Variants in PPFIBP2 observed in about 807,000 individuals in gnomAD.
PPFIBP2 encodes PPFIB scaffold protein 2.
PPFIBP2 carries 118 observed loss-of-function variants against 118.3 expected under a neutral mutation model. That is an observed-to-expected ratio of 1.00 (90% CI 0.86 to 1.16). The LOEUF is 1.16. Ranked by LOEUF, PPFIBP2 falls within the 50% of genes most tolerant of loss-of-function variation. The pLI, the probability that PPFIBP2 is intolerant of heterozygous loss-of-function variation, is 0.00. For synonymous variants in PPFIBP2, 414 were observed against 397.4 expected (o/e 1.04, Z -0.50); for missense variants, 1,195 against 1,073.1 (o/e 1.11, Z -1.59).
intron 2 of PPFIBP2, among the ~76,000 whole-genome samples, chr11:7,554,650 G>T (rs1017161973): frequency 1.3e-5 from 2 of 152,094 alleles, no homozygotes; most frequent in African/African-American, 4.8e-5. Flanking sequence ...TTTGTCTCAG[G>T]TGGTCAATGT....
At chr11:7,559,436 C>G (rs180793730) in intron 2 of PPFIBP2, among the ~76,000 whole-genome samples, 1 of 152,194 alleles carries the variant, frequency 6.6e-6, no homozygotes, top group East Asian at 1.9e-4. Context: ...TTTGCAATTG[C>G]TAATGCTGGG....
At chr11:7,560,011 C>G (rs896748004) in intron 2 of PPFIBP2, among the ~76,000 whole-genome samples, 2 of 152,132 alleles carry the variant, frequency 1.3e-5, no homozygotes, top group African/African-American at 4.8e-5. Context: ...TTGAGTATGT[C>G]CTGTTTCCAG....
chr11:7,527,928 A>G (rs140854727), intron 1 of PPFIBP2, among the ~76,000 whole-genome samples: 1 of 152,332 alleles, frequency 6.6e-6, no homozygotes, highest in East Asian at 1.9e-4. Context: ...TCAGGCATTG[A>G]GCACAGAGTC....
the PPFIBP2 span, chr11:7,666,449 A>C: frequency 1.2e-6 from 2 of 1,601,476 alleles, no homozygotes; most frequent in African/African-American, 2.7e-5. Context: ...TGGATGTCGT[A>C]CCAATGGGAG....
At chr11:7,590,881 G>A (rs1475178256) in intron 3 of PPFIBP2, among the ~76,000 whole-genome samples, 1 of 152,182 alleles carries the variant, frequency 6.6e-6, no homozygotes, top group African/African-American at 2.4e-5. Context: ...CACAAAATCT[G>A]TCTATGAAAA....
At chr11:7,628,692 C>T (rs10466505) in intron 9 of PPFIBP2, among the ~76,000 whole-genome samples, 66,838 of 152,046 alleles carry the variant, frequency 0.44, 15,092 homozygotes, top group East Asian at 0.75. Context: ...ATGTGCATGA[C>T]CTGACAATAG....
At chr11:7,600,548 A>G (rs1045482128) in intron 5 of PPFIBP2, among the ~76,000 whole-genome samples, 1 of 152,224 alleles carries the variant, frequency 6.6e-6, no homozygotes, top group South Asian at 2.1e-4. Flanking sequence ...GAGGCAGAGA[A>G]TGGAGGCAAA....
intron 6 of PPFIBP2, chr11:7,617,107 T>C: frequency 3.0e-6 from 3 of 985,326 alleles, no homozygotes; most frequent in Non-Finnish European, 3.6e-6. Flanking sequence ...TTTTCCTTCC[T>C]ACAGTCGGTT....
intron 2 of PPFIBP2, among the ~76,000 whole-genome samples, chr11:7,561,661 A>G (rs1854313046): frequency 6.6e-6 from 1 of 152,200 alleles, no homozygotes; most frequent in South Asian, 2.1e-4. Flanking sequence ...GTGTATGGCA[A>G]GTGCCTCTTG....
At chr11:7,636,700 AC>A (rs1345115032) in intron 14 of PPFIBP2, among the ~76,000 whole-genome samples, 1 of 152,218 alleles carries the variant, frequency 6.6e-6, no homozygotes. Context: ...CAATTTGATT[AC>A]CAAGAAATAT....
In PPFIBP2 at chr11:7,653,487, G is replaced by C. The variant is rs1413785217; in HGVS notation, c.*269G>C. On this transcript the variant is annotated 3_prime_UTR_variant, in exon 24 of 24. Coordinates refer to ENST00000299492, the MANE Select transcript of PPFIBP2 (RefSeq NM_003621.5). ...CACTTTTACATGTCTAGTAATTCTTGATGTTCATCTTCAGCACCAGTGGAA... is the reference window on the plus strand; with the variant it reads ...CACTTTTACATGTCTAGTAATTCTTCATGTTCATCTTCAGCACCAGTGGAA... The C allele has an allele frequency of 7.0e-7, 1 of 1,432,188 alleles. No homozygotes were observed. Among genetic ancestry groups the C allele is most frequent in the Admixed American group, 2.1e-5 (1 of 47,622 alleles). The allele number at this position is 1,432,188 out of a possible 1,614,324, so 88.7% of individuals were successfully genotyped here.
At chr11:7,541,850 T>C (rs1018604152) in intron 1 of PPFIBP2, among the ~76,000 whole-genome samples, 7 of 152,116 alleles carry the variant, frequency 4.6e-5, no homozygotes, top group African/African-American at 1.7e-4. Context: ...GCCTCCACAT[T>C]CTCTAGGTAC....
chr11:7,574,010 G>T (rs1247567426), intron 3 of PPFIBP2: 1 of 152,202 alleles, frequency 6.6e-6, no homozygotes, highest in Non-Finnish European at 1.5e-5. Context: ...CAAGTACTTG[G>T]AATTCCAGCC....
chr11:7,526,995 G>T (rs544278201), intron 1 of PPFIBP2, among the ~76,000 whole-genome samples: 24 of 151,940 alleles, frequency 1.6e-4, no homozygotes, highest in African/African-American at 5.5e-4. Context: ...CAGGGTATGT[G>T]GTGTGAGACA....
chr11:7,531,362 G>T (rs1590132076), intron 1 of PPFIBP2, among the ~76,000 whole-genome samples: 1 of 152,178 alleles, frequency 6.6e-6, no homozygotes, highest in South Asian at 2.1e-4. Context: ...CTTGAATGCA[G>T]CTTGACATCT....
chr11:7,545,883 C>G (rs1399523607), intron 1 of PPFIBP2, among the ~76,000 whole-genome samples: 2 of 152,202 alleles, frequency 1.3e-5, no homozygotes, highest in African/African-American at 4.8e-5. Flanking sequence ...ACTCCCAATC[C>G]TCCCGACTCC....
intron 4 of PPFIBP2, among the ~76,000 whole-genome samples, chr11:7,596,518 A>G (rs983356540): frequency 1.3e-5 from 2 of 152,276 alleles, no homozygotes; most frequent in Non-Finnish European, 2.9e-5. Flanking sequence ...TAAAGTAGGC[A>G]TATTAATTTA....
intron 4 of PPFIBP2, among the ~76,000 whole-genome samples, chr11:7,593,670 C>G (rs1031974710): frequency 5.3e-5 from 8 of 152,220 alleles, no homozygotes; most frequent in African/African-American, 1.4e-4. Flanking sequence ...GAAGCTGGAT[C>G]TAGACTGATC....
intron 3 of PPFIBP2, chr11:7,577,305 GCGTGCATGTA>G: frequency 4.2e-6 from 1 of 236,958 alleles, no homozygotes; most frequent in East Asian, 1.1e-4. Context: ...TGGTGCGTGT[GCGTGCATGTA>G]TGTGCGTGTG....
Sources: gnomAD v4.1 joint callset for allele counts (sites outside exome capture counted in the v4.1 genomes callset) on GRCh38, gnomAD v4.1.1 for gene constraint, MANE v1.5 for transcripts, NCBI Gene and HGNC (gene_info 2026-07-23, HGNC 2026-07-21) for gene names.